LTF: variants seen among roughly 807,000 people sequenced by gnomAD.
LTF encodes lactotransferrin.
In LTF, 91 loss-of-function variants were observed where a neutral mutation model predicts 87.2. That is an observed-to-expected ratio of 1.04 (90% confidence interval 0.88 to 1.24). The LOEUF is 1.24. Among genes scored for constraint, LTF ranks in the 50% most tolerant of loss-of-function variants. The probability of loss-of-function intolerance (pLI) is 0.00; values close to 1 mark genes in which losing one functional copy is unlikely to be tolerated. For missense variants in LTF, 901 were observed against 904.3 expected, an observed-to-expected ratio of 1.00 and a Z score of 0.05; for synonymous variants, 378 against 356.1, an observed-to-expected ratio of 1.06 and a Z score of -0.69.
intron 1 of LTF, among the ~76,000 whole-genome samples, chr3:46,463,842 C>T (rs1279050879): frequency 1.3e-5 from 2 of 152,212 alleles, no homozygotes; most frequent in East Asian, 1.9e-4. Flanking sequence ...GACCAACACC[C>T]ATGGGAAGGA....
chr3:46,462,170 G>T (rs779677069), intron 1 of LTF, among the ~76,000 whole-genome samples: 1 of 152,172 alleles, frequency 6.6e-6, no homozygotes, highest in Non-Finnish European at 1.5e-5. Flanking sequence ...GCATTAACTG[G>T]ATGCCTGCTG....
intron 9 of LTF, 109 bp from the exon 10 acceptor site, chr3:46,447,507 G>A: frequency 3.8e-6 from 3 of 784,690 alleles, no homozygotes; most frequent in East Asian, 4.9e-5. Context: ...CAGTGAAACA[G>A]CAGAAAGAGA....
At chr3:46,437,166 C>T (rs941648184) in intron 16 of LTF, among the ~76,000 whole-genome samples, 1 of 152,154 alleles carries the variant, frequency 6.6e-6, no homozygotes, top group African/African-American at 2.4e-5. Context: ...TCACCGGGAG[C>T]CTTACAATAC....
In LTF at chr3:46,449,942, G is replaced by T; in HGVS notation, c.969C>A (p.Ala323=). 6.2e-7 allele frequency: 1 copy of T among 1,614,124 alleles called. No homozygotes were observed. Among genetic ancestry groups the T allele is most frequent in the Non-Finnish European group, 8.5e-7 (1 of 1,180,026 alleles). The change falls in exon 8 of 17, where the codon GCC becomes GCA. Residue 323 remains alanine, a synonymous_variant. Coordinates refer to ENST00000231751, the MANE Select transcript of LTF (RefSeq NM_002343.6). ...GQKDLLFKDS[A]IGFSRVPPRI... Reference sequence around the variant, plus strand: ...TCGGGGGCACCCTCGAAAACCCAATGGCAGAGTCCTTGAACAGCAGATCTT... The same window carrying T: ...TCGGGGGCACCCTCGAAAACCCAATTGCAGAGTCCTTGAACAGCAGATCTT...
chr3:46,449,315 G>A (rs921224709), intron 8 of LTF, among the ~76,000 whole-genome samples: 1 of 152,136 alleles, frequency 6.6e-6, no homozygotes, highest in African/African-American at 2.4e-5. Context: ...GAGGATAAAC[G>A]CTCCATGACC....
intron 8 of LTF, among the ~76,000 whole-genome samples, chr3:46,449,459 C>T (rs904835188): frequency 6.6e-6 from 1 of 152,174 alleles, no homozygotes; most frequent in Non-Finnish European, 1.5e-5. Flanking sequence ...CCCCCAGCCC[C>T]CCAGTAGAGA....
chr3:46,468,624 C>G (rs963207984), upstream of LTF, among the ~76,000 whole-genome samples: 1 of 152,222 alleles, frequency 6.6e-6, no homozygotes, highest in African/African-American at 2.4e-5. Context: ...CCTCTAGCTT[C>G]AAACCCCAAG....
At chr3:46,471,606 C>T (rs988401771) in intron 1 of LTF, among the ~76,000 whole-genome samples, 15 of 152,178 alleles carry the variant, frequency 9.9e-5, no homozygotes, top group Non-Finnish European at 1.9e-4. Flanking sequence ...GGAGGACAAG[C>T]CCTGCATAAA....
intron 11 of LTF, among the ~76,000 whole-genome samples, chr3:46,445,894 TGA>T (rs1429452511): frequency 3.9e-5 from 6 of 152,264 alleles, no homozygotes; most frequent in Non-Finnish European, 8.8e-5. Context: ...TGCCCTGAGC[TGA>T]GTCTGAACCC....
intron 1 of LTF, chr3:46,463,760 G>A (rs1364893921): frequency 4.2e-6 from 2 of 481,248 alleles, no homozygotes; most frequent in Non-Finnish European, 5.4e-6. Context: ...CAGGCCACTC[G>A]CCAGGGAGCT....
At position 46,448,649 on chromosome 3, in the gene LTF, C is replaced by T. The variant is rs935371415; in HGVS notation, c.1212+214G>A. On this transcript the variant is annotated intron_variant, in intron 9 of 16. Transcript: ENST00000231751. ...ATTTTCCAAATTCCTTATAATAATCCTGAGTTGTTCTTATAACCAGAGGAG... is the reference window on the plus strand; with the variant it reads ...ATTTTCCAAATTCCTTATAATAATCTTGAGTTGTTCTTATAACCAGAGGAG... 3.3e-5 allele frequency among the ~76,000 whole-genome samples: 5 copies of T among 152,310 alleles called. No individual in the cohort carries two copies. The South Asian group carries it at 1.0e-3, about 32-fold the overall frequency.
intron 1 of LTF, among the ~76,000 whole-genome samples, chr3:46,475,863 C>T (rs1703354289): frequency 6.6e-6 from 1 of 152,148 alleles, no homozygotes. Context: ...TCTCCCAACC[C>T]CTAAAGCTAG....
At chr3:46,482,248 G>A (rs763391453) in intron 1 of LTF, among the ~76,000 whole-genome samples, 1 of 151,970 alleles carries the variant, frequency 6.6e-6, no homozygotes, top group Non-Finnish European at 1.5e-5. Flanking sequence ...CTGAGCCCAG[G>A]AGTTGGAGAC....
rs878859014 is a variant in LTF at position 46,459,651 on chromosome 3, C to T, written c.207+5G>A. ...GGTCCCAACCAACACCCGGCATTGA[C>T]TCACCGCAATGGCCTGGATACACTG... On this transcript the variant is annotated splice_donor_5th_base_variant and intron_variant, in intron 2 of 16. Coordinates refer to ENST00000231751, the MANE Select transcript of LTF (RefSeq NM_002343.6). 6.9e-7 allele frequency: 1 copy of T among 1,444,220 alleles called. No individual in the cohort carries two copies. Among genetic ancestry groups the T allele is most frequent in the Non-Finnish European group, 9.1e-7 (1 of 1,093,314 alleles). 89.5% of individuals were successfully genotyped at this position (1,444,220 alleles called of 1,614,324 possible).
At chr3:46,467,119 G>A (rs907395035), upstream of LTF, among the ~76,000 whole-genome samples, 1 of 152,200 alleles carries the variant, frequency 6.6e-6, no homozygotes, top group Non-Finnish European at 1.5e-5. Flanking sequence ...CTGGACACAG[G>A]CAGAGCAGCC....
At chr3:46,437,104 T>C (rs1464996783) in intron 16 of LTF, among the ~76,000 whole-genome samples, 1 of 152,188 alleles carries the variant, frequency 6.6e-6, no homozygotes, top group Admixed American at 6.5e-5. Flanking sequence ...GGAATAGGAA[T>C]CTGAATGATT....
chr3:46,458,099 A>G (rs1252183335), intron 2 of LTF, among the ~76,000 whole-genome samples: 2 of 152,140 alleles, frequency 1.3e-5, no homozygotes, highest in Non-Finnish European at 2.9e-5. Flanking sequence ...TTATTCTTTT[A>G]TAGAGTGTAA....
At position 46,459,686 on chromosome 3, in the gene LTF, G is replaced by A; in HGVS notation, c.177C>T (p.Asp59=). ...TGGCCTGGATACACTGGATGGGGGA[G>A]TCTCTCTTTATGCAGCTGACAGGAG... ...RGPPVSCIKR[D]SPIQCIQAIA... Residue 59 remains aspartate (D), a synonymous_variant, in exon 2 of 17, where the codon GAC becomes GAT. Transcript: ENST00000231751. 6.4e-7 allele frequency: 1 copy of A among 1,557,174 alleles called. No individual in the cohort carries two copies. Among genetic ancestry groups the A allele is most frequent in the African/African-American group, 1.4e-5 (1 of 70,818 alleles).
At chr3:46,448,782 G>A (rs1702721046) in intron 9 of LTF, 81 bp downstream of exon 9, 4 of 1,544,126 alleles carry the variant, frequency 2.6e-6, no homozygotes, top group Non-Finnish European at 3.5e-6. Flanking sequence ...CTCTTTGACT[G>A]TTGACTTCAC....
Sources: allele counts gnomAD v4.1 joint callset (sites outside exome capture counted in the v4.1 genomes callset), GRCh38; gene constraint gnomAD v4.1.1; transcripts MANE v1.5; gene names NCBI Gene and HGNC (gene_info 2026-07-23, HGNC 2026-07-21).